The following ATIC variants were observed in gnomAD, a reference collection of about 807,000 sequenced individuals.
The protein encoded by ATIC is 5-aminoimidazole-4-carboxamide ribonucleotide formyltransferase/IMP cyclohydrolase.
A neutral mutation model predicts 72.5 loss-of-function variants in ATIC; 64 were observed. The observed-to-expected ratio is 0.88, with a 90% CI of 0.72 to 1.09. The LOEUF is 1.09. Ranked by LOEUF, ATIC falls within the 50% of genes least tolerant of loss-of-function variation. The pLI is 0.00. For synonymous variants in ATIC, 281 were observed against 267.1 expected, an observed-to-expected ratio of 1.05 and a Z score of -0.51; for missense variants, 787 against 732.4, an observed-to-expected ratio of 1.07 and a Z score of -0.86.
rs532349733 is a variant in ATIC, at chr2:215,321,918, T to A, written c.290+2187T>A. Among the ~76,000 whole-genome samples the A allele has an allele frequency of 5.1e-3, 778 of 152,340 alleles. 6 individuals carry two copies. The highest frequency in any genetic ancestry group is 0.018 in the African/African-American group (743 of 41,566). ...CTTTGATCATCACAAGTTTTTTCTT[T>A]TTTTTGAGACGGAGTCTTACTCTCG... On this transcript the variant is annotated intron_variant, in intron 4 of 15. Coordinates refer to ENST00000236959, the MANE Select transcript of ATIC (RefSeq NM_004044.7).
intron 4 of ATIC, among the ~76,000 whole-genome samples, chr2:215,323,441 G>T (rs1383497880): frequency 2.6e-5 from 4 of 152,192 alleles, no homozygotes. Context: ...CTGTGAACAT[G>T]GGGTGTCTTT....
At chr2:215,347,047 T>C in intron 14 of ATIC, 106 bp downstream of exon 14, 7 of 1,362,116 alleles carry the variant, frequency 5.1e-6, no homozygotes, top group East Asian at 2.4e-5. Flanking sequence ...GATACTTTCA[T>C]TGAAATTCTA....
chr2:215,333,237 G>T (rs1253089622), intron 8 of ATIC, 113 bp from the exon 9 acceptor site: 2 of 827,624 alleles, frequency 2.4e-6, no homozygotes, highest in Non-Finnish European at 2.1e-6. Flanking sequence ...TTTAGCACAG[G>T]CACTAGAAAA....
At chr2:215,336,904 CTT>C (rs2052961855) in intron 11 of ATIC, among the ~76,000 whole-genome samples, 1 of 152,200 alleles carries the variant, frequency 6.6e-6, no homozygotes, top group African/African-American at 2.4e-5. Context: ...TTTCCCAACA[CTT>C]TTGTCAGCAT....
In ATIC at chr2:215,349,074, C is replaced by T. The variant is rs974339252; in HGVS notation, c.1504-20C>T. 9.9e-6 allele frequency: 16 copies of T among 1,613,854 alleles called. 2 individuals are homozygous for T. In the Admixed American group the frequency reaches 2.0e-4, roughly 20 times the overall value. On this transcript the variant is annotated intron_variant, in intron 14 of 15. Transcript: ENST00000236959. ...AGACGATGTCAGACCAAGCTTCTTC[C>T]TTTCTCTCTCCCCGCATAGGATGAA...
At chr2:215,363,020 TACAG>T in the ATIC span, 1 of 152,224 alleles carries the variant, frequency 6.6e-6, no homozygotes, top group South Asian at 2.1e-4. Context: ...CCCTAAATAA[TACAG>T]TCACTTTCTT....
intron 9 of ATIC, among the ~76,000 whole-genome samples, chr2:215,333,980 T>C (rs1209772414): frequency 6.6e-6 from 1 of 151,100 alleles, no homozygotes; most frequent in African/African-American, 2.4e-5. Context: ...AGGTGGAACT[T>C]GCAGTGAGCC....
At chr2:215,339,049 A>T in intron 12 of ATIC, 142 bp downstream of exon 12, 1 of 1,183,624 alleles carries the variant, frequency 8.4e-7, no homozygotes. Flanking sequence ...TTGAGTTGTC[A>T]CATAAGCTTT....
At chr2:215,327,805 G>T (rs2052845401) in intron 7 of ATIC, among the ~76,000 whole-genome samples, 1 of 152,152 alleles carries the variant, frequency 6.6e-6, no homozygotes, top group African/African-American at 2.4e-5. Context: ...GAGAGCGATG[G>T]GGGAGGGGAG....
In ATIC at chr2:215,328,013, A is replaced by G. The variant is rs542910647; in HGVS notation, c.688+1035A>G. The stretch of plus-strand genomic sequence containing the variant: ...CTCAGCCTCCTGAGTAGCTGGGATT[A>G]CAGGTGCGCACCACAATGCCTGGCT... On this transcript the variant is annotated intron_variant, in intron 7 of 15. Transcript: ENST00000236959. Among the ~76,000 whole-genome samples, 21 of 151,836 alleles carry G rather than the reference A, an allele frequency of 1.4e-4. No homozygotes were observed. In the South Asian group the frequency reaches 4.2e-3, roughly 30 times the overall value.
chr2:215,325,351 A>G, intron 5 of ATIC, 22 bp downstream of exon 5: 1 of 1,532,692 alleles, frequency 6.5e-7, no homozygotes, highest in Non-Finnish European at 9.0e-7. Flanking sequence ...AAACCATTTT[A>G]GAAGACTGAG....
In ATIC at chr2:215,346,947, A is replaced by C; in HGVS notation, c.1503+6A>C. 6.2e-7 allele frequency: 1 copy of C among 1,614,142 alleles called. No homozygotes were observed. On this transcript the variant is annotated splice_donor_region_variant and intron_variant, in intron 14 of 15. Transcript: ENST00000236959. Reference sequence around the variant, plus strand: ...TGACTGGAACCATTGGCGAGGTGAAAGACTTGGCATTGGGTTCTCGGCTGT... The same window carrying C: ...TGACTGGAACCATTGGCGAGGTGAACGACTTGGCATTGGGTTCTCGGCTGT...
chr2:215,340,516 A>G (rs2053007804), intron 12 of ATIC, among the ~76,000 whole-genome samples: 1 of 152,194 alleles, frequency 6.6e-6, no homozygotes, highest in Admixed American at 6.5e-5. Context: ...ATTGAGTGCT[A>G]GGCATTGGGT....
intron 4 of ATIC, among the ~76,000 whole-genome samples, chr2:215,321,737 TG>T (rs1295808488): frequency 3.7e-4 from 56 of 152,250 alleles, no homozygotes; most frequent in Non-Finnish European, 8.8e-5. Flanking sequence ...GGAACACCGT[TG>T]GATGTGCTTC....
In ATIC at chr2:215,318,344, A is replaced by G. The variant is rs957922745; in HGVS notation, c.223+111A>G. ...AAAGGCTCAAGAGAAATTTACATAT[A>G]AAGTTAATGTTATGAAGTTGCTGCC... is the stretch of plus-strand genomic sequence containing the variant. On this transcript the variant is annotated intron_variant, in intron 3 of 15. Coordinates refer to ENST00000236959, the MANE Select transcript of ATIC (RefSeq NM_004044.7). 1.0e-5 allele frequency: 11 copies of G among 1,049,396 alleles called. No homozygotes were observed. In the African/African-American group the frequency reaches 1.1e-4, roughly 11 times the overall value. 65.0% of individuals were successfully genotyped at this position (1,049,396 alleles called of 1,614,324 possible). A position where few individuals can be genotyped will look rare whatever the true frequency, so the allele number is the denominator to read the frequency against.
chr2:215,313,178 C>A (rs1350332541), intron 2 of ATIC, among the ~76,000 whole-genome samples: 1 of 152,188 alleles, frequency 6.6e-6, no homozygotes, highest in East Asian at 1.9e-4. Flanking sequence ...CCGTGCTGTT[C>A]CTGATTTTAG....
the ATIC span, among the ~76,000 whole-genome samples, chr2:215,365,966 A>ATTTTTTTTTT: frequency 9.7e-3 from 871 of 90,226 alleles, no homozygotes; most frequent in Non-Finnish European, 0.011. Flanking sequence ...CCACAGTGCT[A>ATTTTTTTTTT]TTTTTTTTTT....
intron 4 of ATIC, among the ~76,000 whole-genome samples, chr2:215,322,622 G>A (rs145690530): frequency 0.015 from 2,250 of 152,158 alleles, 50 homozygotes; most frequent in African/African-American, 0.051. Context: ...GTGAGCCACC[G>A]CACCCGGCGT....
intron 2 of ATIC, 96 bp downstream of exon 2, chr2:215,312,720 C>T (rs1340609103): frequency 1.9e-6 from 3 of 1,561,424 alleles, no homozygotes; most frequent in African/African-American, 2.7e-5. Flanking sequence ...TTATTTACTC[C>T]TCCCAGTAGC....
Sources: gnomAD v4.1 joint callset for allele counts (sites outside exome capture counted in the v4.1 genomes callset) on GRCh38, gnomAD v4.1.1 for gene constraint, MANE v1.5 for transcripts, NCBI Gene and HGNC (gene_info 2026-07-23, HGNC 2026-07-21) for gene names.